DSG3: variants seen among roughly 807,000 people sequenced by gnomAD.
DSG3 encodes desmoglein 3.
In DSG3, 63 loss-of-function variants were observed where a neutral mutation model predicts 85.9. The observed-to-expected ratio is 0.73, with a 90% CI of 0.60 to 0.90. The LOEUF is 0.90. Among genes scored for constraint, DSG3 ranks in the 40% least tolerant of loss-of-function variants. The pLI is 0.00. For missense variants in DSG3, 1,220 were observed against 1,219.9 expected (o/e 1.00, Z 0.00); for synonymous variants, 447 against 441.9 (o/e 1.01, Z -0.14).
At chr18:31,451,380 G>A (rs1274058284) in intron 1 of DSG3, among the ~76,000 whole-genome samples, 1 of 152,082 alleles carries the variant, frequency 6.6e-6, no homozygotes, top group African/African-American at 2.4e-5. Flanking sequence ...AAGATTTTTA[G>A]AGTACAATTT....
At chr18:31,470,584 G>C (rs766908122) in intron 12 of DSG3, among the ~76,000 whole-genome samples, 20 of 152,132 alleles carry the variant, frequency 1.3e-4, no homozygotes, top group Non-Finnish European at 2.9e-5. Context: ...CACTATGCTA[G>C]CTTCTAGCTG....
At chr18:31,455,502 T>C (rs55944137) in intron 1 of DSG3, among the ~76,000 whole-genome samples, 1,638 of 152,314 alleles carry the variant, frequency 0.011, 35 homozygotes, top group African/African-American at 0.038. Context: ...TAATAAACTG[T>C]GGTAAACCAT....
intron 9 of DSG3, among the ~76,000 whole-genome samples, chr18:31,464,736 A>G (rs907466424): frequency 6.6e-6 from 1 of 152,234 alleles, no homozygotes; most frequent in Non-Finnish European, 1.5e-5. Context: ...ACTTACAAAG[A>G]CATATATGCC....
chr18:31,465,652 T>G (rs989381529), intron 10 of DSG3, among the ~76,000 whole-genome samples, 195 bp downstream of exon 10: 1 of 152,182 alleles, frequency 6.6e-6, no homozygotes, highest in South Asian at 2.1e-4. Context: ...TCAGTGGAGA[T>G]TGAACCAGTG....
intron 10 of DSG3, 57 bp from the exon 11 acceptor site, chr18:31,466,473 T>C (rs912612175): frequency 6.6e-7 from 1 of 1,505,954 alleles, no homozygotes; most frequent in African/African-American, 1.4e-5. Context: ...AAGATTCTCC[T>C]TTTTTGTACA....
Position 31,460,856 on chromosome 18 carries a change from T to A in DSG3, c.708T>A (p.Val236=). ...AGCAAGCTAGCAGCTATCGTCTGGT[T>A]GTGAGTGGTGCAGACAAAGATGGAG... is the stretch of plus-strand genomic sequence containing the variant. ...DREQASSYRL[V]VSGADKDGEG... Residue 236 remains valine, a synonymous_variant, in exon 7 of 16, where the codon GTT becomes GTA. Transcript: ENST00000257189. The A allele has an allele frequency of 6.3e-7, 1 of 1,592,336 alleles. No homozygotes were observed. The highest frequency in any genetic ancestry group is 1.4e-5 in the African/African-American group (1 of 73,452).
intron 1 of DSG3, among the ~76,000 whole-genome samples, chr18:31,454,746 G>A (rs1392237133): frequency 6.6e-6 from 1 of 150,508 alleles, no homozygotes; most frequent in Middle Eastern, 3.2e-3. Flanking sequence ...TGTAATCCCA[G>A]CACTTTGGGA....
intron 3 of DSG3, among the ~76,000 whole-genome samples, chr18:31,457,493 TAGGATGTATC>T (rs759362931): frequency 2.0e-5 from 3 of 152,316 alleles, no homozygotes; most frequent in East Asian, 3.9e-4. Context: ...AGCTCAGTGA[TAGGATGTATC>T]AGGTTTATTA....
At position 31,476,186 on chromosome 18, in the gene DSG3, C is replaced by T. The variant is rs779804400; in HGVS notation, c.2926C>T (p.Leu976=). The T allele has an allele frequency of 3.7e-6, 6 of 1,614,150 alleles. No individual in the cohort carries two copies. The South Asian group carries it at 4.4e-5, about 12-fold the overall frequency. The change falls in exon 16 of 16, where the codon CTA becomes TTA. Residue 976 remains leucine (L), a synonymous_variant. Coordinates refer to ENST00000257189, the MANE Select transcript of DSG3 (RefSeq NM_001944.3). The stretch of plus-strand genomic sequence containing the variant: ...TCCCATTTCCAGTGTTCCTGGCAAC[C>T]TAGCTGGCCCAACGCAGCTACGAGG... ...ICPISSVPGN[L]AGPTQLRGSH...
At chr18:31,471,420 A>G (rs1195083460) in intron 12 of DSG3, among the ~76,000 whole-genome samples, 1 of 152,216 alleles carries the variant, frequency 6.6e-6, no homozygotes, top group East Asian at 1.9e-4. Context: ...CCAACATTAC[A>G]TAGCTGTTAA....
intron 11 of DSG3, among the ~76,000 whole-genome samples, chr18:31,468,031 A>C (rs1156761510): frequency 6.6e-6 from 1 of 152,244 alleles, no homozygotes; most frequent in Non-Finnish European, 1.5e-5. Context: ...TGGGCAAGGC[A>C]ACAGTGATTG....
intron 1 of DSG3, among the ~76,000 whole-genome samples, chr18:31,453,777 A>G (rs1568085158): frequency 6.6e-6 from 1 of 152,080 alleles, no homozygotes; most frequent in Non-Finnish European, 1.5e-5. Flanking sequence ...GGTATTTCCA[A>G]TCCAGGCCAC....
chr18:31,465,287 G>A, intron 9 of DSG3, 31 bp from the exon 10 acceptor site: 10 of 1,351,174 alleles, frequency 7.4e-6, no homozygotes, highest in Non-Finnish European at 8.6e-6. Context: ...ACATTTGAAA[G>A]AAAACTGATT....
At chr18:31,448,343 T>C (rs1039216726) in intron 1 of DSG3, among the ~76,000 whole-genome samples, 4 of 152,216 alleles carry the variant, frequency 2.6e-5, no homozygotes, top group African/African-American at 9.6e-5. Flanking sequence ...ACGCCTGGGC[T>C]TGATACCTGA....
Position 31,477,482 on chromosome 18 carries a change from C to A in DSG3, c.*1222C>A, listed in dbSNP as rs1477140279. ...CCAATGACTAGAATAACACATAGGG[C>A]AATCTGTGAATATGTATTATAAGCA... On this transcript the variant is annotated 3_prime_UTR_variant, in exon 16 of 16. Coordinates refer to ENST00000257189, the MANE Select transcript of DSG3 (RefSeq NM_001944.3). 1 of 152,128 alleles carries A rather than the reference C, an allele frequency of 6.6e-6. No homozygotes were observed. The highest frequency in any genetic ancestry group is 1.5e-5 in the Non-Finnish European group (1 of 68,020). 9.4% of individuals were successfully genotyped at this position (152,128 alleles called of 1,614,324 possible).
chr18:31,453,376 C>G (rs1405319252), intron 1 of DSG3, among the ~76,000 whole-genome samples: 1 of 152,002 alleles, frequency 6.6e-6, no homozygotes, highest in East Asian at 1.9e-4. Flanking sequence ...TCCCCTGCCA[C>G]ACTAAAGCAT....
In DSG3 at chr18:31,475,954, C is replaced by T; in HGVS notation, c.2694C>T (p.Cys898=). 3 of 1,614,204 alleles carry T rather than the reference C, an allele frequency of 1.9e-6. No individual in the cohort carries two copies. Among genetic ancestry groups the T allele is most frequent in the East Asian group, 2.2e-5 (1 of 44,880 alleles). The change falls in exon 16 of 16, where the codon TGC becomes TGT. Residue 898 remains cysteine, a synonymous_variant. Coordinates refer to ENST00000257189, the MANE Select transcript of DSG3 (RefSeq NM_001944.3). ...TCCAGCAGACAGGATTTGTTAAGTG[C>T]CAGACTTTGTCAGGAAGTCAAGGAG... The part of the protein sequence containing the change: ...IEVQQTGFVK[C]QTLSGSQGAS...
intron 6 of DSG3, among the ~76,000 whole-genome samples, chr18:31,460,508 C>T (rs913089938): frequency 4.6e-5 from 7 of 152,146 alleles, no homozygotes; most frequent in South Asian, 2.1e-4. Context: ...ACAGGCTACC[C>T]GGTCAGACCC....
In DSG3 at chr18:31,456,440, G is replaced by A. The variant is rs2072742228; in HGVS notation, c.49G>A (p.Val17Met). 4 of 1,352,828 alleles carry A rather than the reference G, an allele frequency of 3.0e-6. No individual in the cohort carries two copies. The highest frequency in any genetic ancestry group is 2.7e-5 in the East Asian group (1 of 36,414). 83.8% of individuals were successfully genotyped at this position (1,352,828 alleles called of 1,614,324 possible). A position where few individuals can be genotyped will look rare whatever the true frequency, so the allele number is the denominator to read the frequency against. The change falls in exon 2 of 16, where the codon GTG (valine) becomes ATG (methionine). Residue 17 changes from valine to methionine, a missense_variant and splice_region_variant. By Grantham distance (21) the Val-to-Met change is conservative. Coordinates refer to ENST00000257189, the MANE Select transcript of DSG3 (RefSeq NM_001944.3). Reference protein sequence around the residue: ...RTTGALAIFVVVILVHGELRI... With the variant: ...RTTGALAIFVMVILVHGELRI... The stretch of plus-strand genomic sequence containing the variant: ...TTCGACTTTATTTAAATGTCTGCAG[G>A]TGGTCATATTGGTTCATGGAGAATT...
Sources: allele counts gnomAD v4.1 joint callset (sites outside exome capture counted in the v4.1 genomes callset), GRCh38; gene constraint gnomAD v4.1.1; transcripts MANE v1.5; gene names NCBI Gene and HGNC (gene_info 2026-07-23, HGNC 2026-07-21).